The following CDKAL1 variants were observed in gnomAD, a reference collection of about 807,000 sequenced individuals.
The protein encoded by CDKAL1 is threonylcarbamoyladenosine tRNA methylthiotransferase.
CDKAL1 carries 32 observed loss-of-function variants against 68.2 expected under a neutral mutation model. That is an observed-to-expected ratio of 0.47 (90% CI 0.35 to 0.63). The LOEUF is 0.63. CDKAL1 is among the 30% of genes least tolerant of loss of function. The pLI, the probability that CDKAL1 is intolerant of heterozygous loss-of-function variation, is 0.00. For synonymous variants in CDKAL1, 234 were observed against 244.3 expected (o/e 0.96, Z 0.39); for missense variants, 606 against 696.7 (o/e 0.87, Z 1.47).
intron 13 of CDKAL1, among the ~76,000 whole-genome samples, chr6:21,158,741 C>T (rs572945886): frequency 6.6e-6 from 1 of 152,298 alleles, no homozygotes; most frequent in East Asian, 1.9e-4. Flanking sequence ...AATTTTGTCA[C>T]TGACAAATAT....
At chr6:21,018,407 A>G (rs1015107739) in intron 11 of CDKAL1, among the ~76,000 whole-genome samples, 3 of 152,218 alleles carry the variant, frequency 2.0e-5, no homozygotes, top group Admixed American at 6.5e-5. Context: ...AAAATGAACT[A>G]ATTAGGTGCT....
rs568283421 is a variant in CDKAL1 at position 20,780,170 on chromosome 6, T to C, written c.518-975T>C. Among the ~76,000 whole-genome samples the C allele has an allele frequency of 2.0e-5, 3 of 151,320 alleles. No homozygotes were observed. The South Asian group carries it at 6.3e-4, about 32-fold the overall frequency. Reference sequence around the variant, plus strand: ...GAAAGAAAAAATGACAAAGTAAATATGGTAAAATAATAATTGAATCTGAAG... The same window carrying C: ...GAAAGAAAAAATGACAAAGTAAATACGGTAAAATAATAATTGAATCTGAAG... On this transcript the variant is annotated intron_variant, in intron 7 of 15. Transcript: ENST00000274695.
intron 12 of CDKAL1, among the ~76,000 whole-genome samples, chr6:21,099,991 A>T (rs994154812): frequency 6.6e-6 from 1 of 152,230 alleles, no homozygotes; most frequent in Non-Finnish European, 1.5e-5. Flanking sequence ...AGGAGAAGGT[A>T]TGGCAACCTA....
chr6:20,827,423 T>C (rs1221558578), intron 8 of CDKAL1, among the ~76,000 whole-genome samples: 1 of 152,178 alleles, frequency 6.6e-6, no homozygotes, highest in Non-Finnish European at 1.5e-5. Context: ...CTATTTGTGT[T>C]ACAATTTTTT....
chr6:20,777,094 C>G (rs983986177), intron 7 of CDKAL1, among the ~76,000 whole-genome samples: 6 of 152,200 alleles, frequency 3.9e-5, no homozygotes, highest in South Asian at 2.1e-4. Context: ...GGGAGCTGAG[C>G]TAGCGCTATG....
At chr6:21,025,581 T>C (rs1224961863) in intron 11 of CDKAL1, among the ~76,000 whole-genome samples, 1 of 152,142 alleles carries the variant, frequency 6.6e-6, no homozygotes, top group African/African-American at 2.4e-5. Context: ...ATGTAATAAG[T>C]AGTGAAATGA....
intron 13 of CDKAL1, among the ~76,000 whole-genome samples, chr6:21,187,318 C>T (rs1463128871): frequency 6.6e-6 from 1 of 152,182 alleles, no homozygotes; most frequent in Non-Finnish European, 1.5e-5. Context: ...TCTAAGGGAC[C>T]TGTATTCTCA....
At chr6:21,157,603 A>G (rs981335636) in intron 13 of CDKAL1, among the ~76,000 whole-genome samples, 1 of 152,218 alleles carries the variant, frequency 6.6e-6, no homozygotes, top group Non-Finnish European at 1.5e-5. Context: ...GAAAATCTTC[A>G]CGAATGAAAG....
chr6:20,985,107 G>A (rs201354), intron 10 of CDKAL1, among the ~76,000 whole-genome samples: 13,339 of 151,930 alleles, frequency 0.088, 714 homozygotes, highest in Middle Eastern at 0.16. Context: ...TTAGGTCGAC[G>A]ACTTGTAATT....
intron 9 of CDKAL1, among the ~76,000 whole-genome samples, chr6:20,873,503 A>G (rs1034397415): frequency 1.3e-5 from 2 of 152,274 alleles, no homozygotes; most frequent in Non-Finnish European, 2.9e-5. Flanking sequence ...TAATTTTCCT[A>G]TTTTACAAAT....
At chr6:20,612,958 G>T (rs1359202768) in intron 4 of CDKAL1, among the ~76,000 whole-genome samples, 1 of 145,842 alleles carries the variant, frequency 6.9e-6, no homozygotes, top group East Asian at 2.1e-4. Context: ...CTTCAGCTAA[G>T]TATTTGTGAA....
intron 9 of CDKAL1, among the ~76,000 whole-genome samples, chr6:20,859,252 T>C (rs1278933716): frequency 6.6e-6 from 1 of 151,822 alleles, no homozygotes; most frequent in East Asian, 1.9e-4. Flanking sequence ...CACTCCAGCC[T>C]GGGTGACAAA....
intron 9 of CDKAL1, among the ~76,000 whole-genome samples, chr6:20,860,508 A>G (rs1479782955): frequency 6.6e-6 from 1 of 152,224 alleles, no homozygotes; most frequent in African/African-American, 2.4e-5. Context: ...GGCATAGCAT[A>G]GGGCATAGAG....
intron 4 of CDKAL1, among the ~76,000 whole-genome samples, chr6:20,557,376 TATAG>T (rs1764098598): frequency 6.6e-6 from 1 of 152,082 alleles, no homozygotes; most frequent in East Asian, 1.9e-4. Context: ...ACCATCAGCT[TATAG>T]ATATAGTTGA....
chr6:21,020,524 A>G (rs1768589403), intron 11 of CDKAL1, among the ~76,000 whole-genome samples: 1 of 151,872 alleles, frequency 6.6e-6, no homozygotes, highest in African/African-American at 2.4e-5. Flanking sequence ...CTGGAGTGCA[A>G]TGGCACTATC....
chr6:20,911,400 T>C (rs1762462401), intron 9 of CDKAL1, among the ~76,000 whole-genome samples: 2 of 152,234 alleles, frequency 1.3e-5, no homozygotes, highest in African/African-American at 4.8e-5. Context: ...AGGCGCTCTG[T>C]TGAGTTAGAT....
chr6:20,812,409 C>T (rs1318882866), intron 8 of CDKAL1, among the ~76,000 whole-genome samples: 1 of 152,184 alleles, frequency 6.6e-6, no homozygotes, highest in East Asian at 1.9e-4. Context: ...GACATGCTGT[C>T]AGTAGTCTTT....
intron 2 of CDKAL1, among the ~76,000 whole-genome samples, chr6:20,536,070 A>T (rs1763157815): frequency 6.6e-6 from 1 of 150,920 alleles, no homozygotes; most frequent in Non-Finnish European, 1.5e-5. Flanking sequence ...CTGGGACTAC[A>T]GGTGCATGCC....
At chr6:21,007,142 A>G (rs1767769787) in intron 11 of CDKAL1, among the ~76,000 whole-genome samples, 1 of 152,158 alleles carries the variant, frequency 6.6e-6, no homozygotes, top group South Asian at 2.1e-4. Context: ...CGGAATGGTT[A>G]GAAAGAGTTG....
Sources: gnomAD v4.1 joint callset for allele counts (sites outside exome capture counted in the v4.1 genomes callset) on GRCh38, gnomAD v4.1.1 for gene constraint, MANE v1.5 for transcripts, NCBI Gene and HGNC (gene_info 2026-07-23, HGNC 2026-07-21) for gene names.